Variants in CHD3 observed in about 807,000 individuals in gnomAD.
CHD3 encodes the protein chromodomain helicase DNA binding protein 3.
Under a neutral mutation model 248.9 loss-of-function variants are expected in CHD3, and 52 were observed. The observed-to-expected ratio is 0.21, with a 90% CI of 0.17 to 0.26. CHD3 has a LOEUF of 0.26. Among genes scored for constraint, CHD3 ranks in the 10% least tolerant of loss-of-function variants. The pLI, the probability that CHD3 is intolerant of heterozygous loss-of-function variation, is 1.00. For missense variants in CHD3, 1,482 were observed against 2,605.8 expected (o/e 0.57, Z 9.39); for synonymous variants, 985 against 985.2 (o/e 1.00, Z 0.00).
chr17:7,896,616 G>T (rs548315794), intron 10 of CHD3, among the ~76,000 whole-genome samples: 3 of 151,156 alleles, frequency 2.0e-5, no homozygotes, highest in Non-Finnish European at 4.4e-5. Flanking sequence ...TGTTGATCAG[G>T]CTGGTCTCGA....
In CHD3 at chr17:7,889,984, G is replaced by A. The variant is rs990120829; in HGVS notation, c.213+208G>A. 6.6e-6 allele frequency among the ~76,000 whole-genome samples: 1 copy of A among 152,202 alleles called. No individual in the cohort carries two copies. The highest frequency in any genetic ancestry group is 1.5e-5 in the Non-Finnish European group (1 of 68,036). ...ACTTCATTCACTGCAACCTAGTGAA[G>A]AGCCTCGTTGTCAGTGTGTCCTCAG... is the stretch of plus-strand genomic sequence containing the variant. On this transcript the variant is annotated intron_variant, in intron 2 of 39. Coordinates refer to ENST00000330494, the MANE Select transcript of CHD3 (RefSeq NM_001005273.3). This position sits in a 1 kb window ranked among gnomAD's most constrained non-coding sequence, Gnocchi z 4.5.
Position 7,907,615 on chromosome 17 carries a change from C to T in CHD3, c.4939C>T (p.Pro1647Ser). 6.6e-7 allele frequency: 1 copy of T among 1,515,822 alleles called. No homozygotes were observed. Among genetic ancestry groups the T allele is most frequent in the Non-Finnish European group, 8.8e-7 (1 of 1,134,774 alleles). 93.9% of individuals were successfully genotyped at this position (1,515,822 alleles called of 1,614,324 possible). A position where few individuals can be genotyped will look rare whatever the true frequency, so the allele number is the denominator to read the frequency against. Residue 1647 changes from proline to serine, a missense_variant, in exon 33 of 40, where the codon CCA becomes TCA. By Grantham distance (74) the Pro-to-Ser change is moderately conservative (BLOSUM62 -1). This residue lies in a region of CHD3 where 254 missense variants were observed against 266.7 expected (regional missense o/e 0.95). Transcript: ENST00000330494. This position sits in a 1 kb window ranked among gnomAD's most constrained non-coding sequence, Gnocchi z 4.3. ...DREKSATEST[P>S]GERGEEKPLD... The stretch of plus-strand genomic sequence containing the variant: ...CCCTCCCACAGCCACAGAGTCGACG[C>T]CAGGAGAAAGGGGGGAGGAGAAGCC...
chr17:7,902,142 C>A (rs1438516670), intron 20 of CHD3, among the ~76,000 whole-genome samples: 1 of 151,946 alleles, frequency 6.6e-6, no homozygotes, highest in Non-Finnish European at 1.5e-5. Context: ...ACAAGAGGGC[C>A]AGACGTGGTG....
rs779528801 is a variant in CHD3, at chr17:7,903,283, G to T, written c.3507G>T (p.Arg1169=). ...NPHNDIQAFS[R]AHRIGQANKV... ...TCTTGCCCCTGCAGGCCTTTAGCCG[G>T]GCTCATCGGATTGGCCAGGCCAACA... Residue 1169 remains arginine (R), a synonymous_variant, in exon 23 of 40, where the codon CGG becomes CGT. Coordinates refer to ENST00000330494, the MANE Select transcript of CHD3 (RefSeq NM_001005273.3). This position sits in a 1 kb window ranked among gnomAD's most constrained non-coding sequence, Gnocchi z 6.8. The T allele has an allele frequency of 6.2e-7, 1 of 1,613,984 alleles. No homozygotes were observed. The highest frequency in any genetic ancestry group is 1.7e-5 in the Admixed American group (1 of 60,028).
rs1970864691 is a variant in CHD3, at chr17:7,905,864, C to T, written c.4233C>T (p.Gly1411=). The stretch of plus-strand genomic sequence containing the variant: ...CTTGCTCCCACCCTCAGGTGCTGGG[C>T]TTCAACACCCGTCAGCGGAAGGCTT... ...ARVGGNIEVL[G]FNTRQRKAFL... is the part of the protein sequence containing the mutation. Residue 1411 remains glycine (G), a synonymous_variant, in exon 28 of 40, where the codon GGC becomes GGT. Transcript: ENST00000330494. The surrounding 1 kb of genome is among the most constrained non-coding windows in gnomAD (Gnocchi z 5.8). 2.5e-6 allele frequency: 4 copies of T among 1,614,150 alleles called. No individual in the cohort carries two copies. The highest frequency in any genetic ancestry group is 3.4e-6 in the Non-Finnish European group (4 of 1,180,020).
Position 7,892,521 on chromosome 17 carries a change from G to A in CHD3, c.510-765G>A, listed in dbSNP as rs1387080710. Reference sequence around the variant, plus strand: ...CTTTTTTTTTTTTTTTTTTTGAGATGGAATCTCACTCTGTCGCCAGGCTGG... The same window carrying A: ...CTTTTTTTTTTTTTTTTTTTGAGATAGAATCTCACTCTGTCGCCAGGCTGG... On this transcript the variant is annotated intron_variant, in intron 4 of 39. Transcript: ENST00000330494. 8.6e-5 allele frequency among the ~76,000 whole-genome samples: 11 copies of A among 127,356 alleles called. No individual in the cohort carries two copies. In the Middle Eastern group the frequency reaches 0.016, roughly 183 times the overall value. The allele number at this position is 127,356 out of a possible 152,430, so 83.6% of individuals were successfully genotyped here.
upstream of CHD3, chr17:7,884,951 G>T: frequency 7.3e-7 from 1 of 1,377,942 alleles, no homozygotes. Flanking sequence ...GGACGACGAC[G>T]AGGGAGTACT....
chr17:7,893,839 A>C lies in CHD3; in HGVS notation c.828A>C (p.Arg276=). The C allele has an allele frequency of 6.2e-7, 1 of 1,614,094 alleles. No homozygotes were observed. Among genetic ancestry groups the C allele is most frequent in the Non-Finnish European group, 8.5e-7 (1 of 1,180,026 alleles). The change falls in exon 6 of 40, where the codon CGA becomes CGC. Residue 276 remains arginine, a synonymous_variant. Transcript: ENST00000330494. ...ATAAGAGGCGGAGTAAGAGCCCCCGAGTGCCTGATGGACGCAAGAAGCTTC... is the reference window on the plus strand; with the variant it reads ...ATAAGAGGCGGAGTAAGAGCCCCCGCGTGCCTGATGGACGCAAGAAGCTTC... The part of the protein sequence containing the change: ...PGHKRRSKSP[R]VPDGRKKLRG...
chr17:7,892,337 A>T (rs867644068), intron 4 of CHD3, among the ~76,000 whole-genome samples: 1 of 152,220 alleles, frequency 6.6e-6, no homozygotes, highest in African/African-American at 2.4e-5. Context: ...GCAGAGAATC[A>T]TAGCAACTCA....
upstream of CHD3, among the ~76,000 whole-genome samples, chr17:7,885,618 C>T (rs1309376854): frequency 6.6e-6 from 1 of 151,830 alleles, no homozygotes; most frequent in African/African-American, 2.4e-5. Context: ...GGGGTTGGAC[C>T]GAGGGAGAGT....
chr17:7,910,166 T>G lies in CHD3; in HGVS notation c.5591-262T>G. On this transcript the variant is annotated intron_variant, in intron 37 of 39. Coordinates refer to ENST00000330494, the MANE Select transcript of CHD3 (RefSeq NM_001005273.3). This position sits in a 1 kb window ranked among gnomAD's most constrained non-coding sequence, Gnocchi z 4.7. ...CCTTTCCTCCATGCTCCCTTTTTCT[T>G]TCTTCTTTCTCTCCATCTGTCTTCT... The G allele has an allele frequency of 5.9e-6, 2 of 338,724 alleles. No homozygotes were observed. Among genetic ancestry groups the G allele is most frequent in the East Asian group, 7.9e-5 (1 of 12,672 alleles). The allele number at this position is 338,724 out of a possible 1,614,324, so 21.0% of individuals were successfully genotyped here.
Position 7,900,200 on chromosome 17 carries a change from G to A in CHD3, c.2683-90G>A. On this transcript the variant is annotated intron_variant, in intron 16 of 39. Coordinates refer to ENST00000330494, the MANE Select transcript of CHD3 (RefSeq NM_001005273.3). This position sits in a 1 kb window ranked among gnomAD's most constrained non-coding sequence, Gnocchi z 6.5. Reference sequence around the variant, plus strand: ...GGGGCCTCTGATCCTGAGTGAAATGGGAGCTGGGGCAGGGAAAGGCTGATG... The same window carrying A: ...GGGGCCTCTGATCCTGAGTGAAATGAGAGCTGGGGCAGGGAAAGGCTGATG... 1 of 1,545,878 alleles carries A rather than the reference G, an allele frequency of 6.5e-7. No individual in the cohort carries two copies. The highest frequency in any genetic ancestry group is 2.3e-5 in the East Asian group (1 of 43,150).
At chr17:7,896,396 C>CTTTTT (rs1404964976) in intron 10 of CHD3, among the ~76,000 whole-genome samples, 1 of 146,038 alleles carries the variant, frequency 6.8e-6, no homozygotes, top group Non-Finnish European at 1.5e-5. Flanking sequence ...CATCCTTTTT[C>CTTTTT]TTTTTTTTTC....
Position 7,896,227 on chromosome 17 carries a change from CAAAAAAAAAA to C in CHD3, c.1707+701_1707+710del, listed in dbSNP as rs750972677. Among the ~76,000 whole-genome samples the C allele has an allele frequency of 1.9e-3, 110 of 57,920 alleles. 2 individuals are homozygous for C. The highest frequency in any genetic ancestry group is 3.0e-3 in the South Asian group (5 of 1,650). 38.0% of individuals were successfully genotyped at this position (57,920 alleles called of 152,430 possible). On this transcript the variant is annotated intron_variant, in intron 10 of 39. Coordinates refer to ENST00000330494, the MANE Select transcript of CHD3 (RefSeq NM_001005273.3). Reference sequence around the variant, plus strand: ...TGGGCGACAGAGCGACACTCTATCTCAAAAAAAAAAAAAAAAAAAAAAAAATTCTCAATGT... The same window carrying C: ...TGGGCGACAGAGCGACACTCTATCTCAAAAAAAAAAAAAAATTCTCAATGT...
At chr17:7,898,949 A>G in intron 13 of CHD3, 62 bp from the exon 14 acceptor site, 1 of 1,406,174 alleles carries the variant, frequency 7.1e-7, no homozygotes, top group South Asian at 1.2e-5. Flanking sequence ...AGGGAGGAAG[A>G]GACTAAGACT....
In CHD3 at chr17:7,889,904, G is replaced by A. The variant is rs553750734; in HGVS notation, c.213+128G>A. The A allele has an allele frequency of 5.4e-5, 47 of 873,122 alleles. No individual in the cohort carries two copies. Among genetic ancestry groups the A allele is most frequent in the African/African-American group, 1.2e-4 (7 of 59,174 alleles). 54.1% of individuals were successfully genotyped at this position (873,122 alleles called of 1,614,324 possible). A position where few individuals can be genotyped will look rare whatever the true frequency, so the allele number is the denominator to read the frequency against. On this transcript the variant is annotated intron_variant, in intron 2 of 39. Transcript: ENST00000330494. This position sits in a 1 kb window ranked among gnomAD's most constrained non-coding sequence, Gnocchi z 4.5. Reference sequence around the variant, plus strand: ...TGAAGCCAGGGAGGCTTGATCCCCCGGGCCCCCCACTTCCCTGCCACTGTT... The same window carrying A: ...TGAAGCCAGGGAGGCTTGATCCCCCAGGCCCCCCACTTCCCTGCCACTGTT...
At position 7,911,619 on chromosome 17, in the gene CHD3, G is replaced by A. The variant is rs776732938; in HGVS notation, c.*34G>A. 7.4e-6 allele frequency: 12 copies of A among 1,613,114 alleles called. No individual in the cohort carries two copies. The highest frequency in any genetic ancestry group is 1.7e-4 in the Middle Eastern group (1 of 6,054). On this transcript the variant is annotated 3_prime_UTR_variant, in exon 40 of 40. Transcript: ENST00000330494. This position sits in a 1 kb window ranked among gnomAD's most constrained non-coding sequence, Gnocchi z 5.4. ...CAGGCCTGCCCTTCACCCAGGCCCCGTCCCCGAGGCCGACCCCCAGCTCAA... is the reference window on the plus strand; with the variant it reads ...CAGGCCTGCCCTTCACCCAGGCCCCATCCCCGAGGCCGACCCCCAGCTCAA...
In CHD3 at chr17:7,898,116, C is replaced by T; in HGVS notation, c.2051+14C>T. ...CTGGAGACACCGGTGAGGGAATGAG[C>T]TTGTGGATTCAAGGGATTCTGACGA... On this transcript the variant is annotated intron_variant, in intron 12 of 39. Coordinates refer to ENST00000330494, the MANE Select transcript of CHD3 (RefSeq NM_001005273.3). 1 of 1,612,126 alleles carries T rather than the reference C, an allele frequency of 6.2e-7. No individual in the cohort carries two copies. Among genetic ancestry groups the T allele is most frequent in the Non-Finnish European group, 8.5e-7 (1 of 1,179,108 alleles).
In CHD3 at chr17:7,889,067, C is replaced by T. The variant is rs61740589; in HGVS notation, c.67C>T (p.Pro23Ser). The change falls in exon 1 of 40, where the codon CCT becomes TCT. Residue 23 changes from proline to serine, a missense_variant. Pro to Ser is a moderately conservative substitution (Grantham distance 74, BLOSUM62 -1). Transcript: ENST00000330494. The surrounding 1 kb of genome is among the most constrained non-coding windows in gnomAD (Gnocchi z 4.5). ...AAATGACCAGCTGAGGATTTCTTTTCCTCCAGGACTGTGTTGGGGTGACAG... is the reference window on the plus strand; with the variant it reads ...AAATGACCAGCTGAGGATTTCTTTTTCTCCAGGACTGTGTTGGGGTGACAG... ...SKNDQLRISF[P>S]PGLCWGDRMP... 351 of 1,614,234 alleles carry T rather than the reference C, an allele frequency of 2.2e-4. 2 individuals carry two copies. In the African/African-American group the frequency reaches 2.8e-3, roughly 13 times the overall value.
Sources: gnomAD v4.1 joint callset for allele counts (sites outside exome capture counted in the v4.1 genomes callset) on GRCh38, gnomAD v4.1.1 for gene constraint, gnomAD v4.1.1 regional missense constraint, Gnocchi (gnomAD v3.1) non-coding constraint, MANE v1.5 for transcripts, NCBI Gene and HGNC (gene_info 2026-07-23, HGNC 2026-07-21) for gene names.